Variants in KIRREL3 observed in about 807,000 individuals in gnomAD.
KIRREL3 encodes the protein kirre like nephrin family adhesion molecule 3, also known as kin of IRRE-like protein 3.
A neutral mutation model predicts 89.7 loss-of-function variants in KIRREL3; 36 were observed. The observed-to-expected ratio is 0.40, with a 90% CI of 0.31 to 0.53. KIRREL3 has a LOEUF of 0.53. Among genes scored for constraint, KIRREL3 ranks in the 20% least tolerant of loss-of-function variants. KIRREL3 has a pLI of 0.49. For synonymous variants in KIRREL3, 445 were observed against 441.4 expected, an observed-to-expected ratio of 1.01 and a Z score of -0.10; for missense variants, 864 against 1,056.6, an observed-to-expected ratio of 0.82 and a Z score of 2.53.
At chr11:126,472,460 G>T (rs1294064130) in intron 5 of KIRREL3, among the ~76,000 whole-genome samples, 1 of 152,100 alleles carries the variant, frequency 6.6e-6, no homozygotes, top group Non-Finnish European at 1.5e-5. Flanking sequence ...TTTTGTAAGG[G>T]CACTGATCCC....
At chr11:126,435,385 G>A (rs535056808) in intron 12 of KIRREL3, 82 bp from the exon 13 acceptor site, 7 of 1,384,352 alleles carry the variant, frequency 5.1e-6, no homozygotes, top group Non-Finnish European at 7.2e-6. Context: ...CTGCTTGAGC[G>A]GGGCTGGGTG....
At chr11:126,746,583 C>T (rs974560420) in intron 1 of KIRREL3, among the ~76,000 whole-genome samples, 7 of 152,134 alleles carry the variant, frequency 4.6e-5, no homozygotes, top group Non-Finnish European at 1.0e-4. Flanking sequence ...ATTGACATTG[C>T]CAGCCACCCA....
chr11:126,569,735 AG>A lies in KIRREL3; in HGVS notation c.56-6824del, dbSNP rs1940783892. On this transcript the variant is annotated intron_variant, in intron 1 of 16. Transcript: ENST00000525144. This position sits in a 1 kb window ranked among gnomAD's most constrained non-coding sequence, Gnocchi z 6.5. ...GACAGCTTCAGGCTGTGGGATGGTG[AG>A]GGAGGTCCTTGCAAAAGGCCTTGAA... Among the ~76,000 whole-genome samples the A allele has an allele frequency of 6.6e-6, 1 of 152,202 alleles. No homozygotes were observed. Among genetic ancestry groups the A allele is most frequent in the Non-Finnish European group, 1.5e-5 (1 of 68,032 alleles).
chr11:126,591,570 C>A (rs1459726568), intron 1 of KIRREL3, among the ~76,000 whole-genome samples: 1 of 152,224 alleles, frequency 6.6e-6, no homozygotes, highest in Non-Finnish European at 1.5e-5. Context: ...ACCAGCCATG[C>A]TCTGCCTTGC....
chr11:126,486,854 A>G lies in KIRREL3; in HGVS notation c.434-13388T>C, dbSNP rs147169127. Among the ~76,000 whole-genome samples, 13 of 152,332 alleles carry G rather than the reference A, an allele frequency of 8.5e-5. No individual in the cohort carries two copies. The East Asian group carries it at 2.5e-3, about 29-fold the overall frequency. ...TAGCTTTAATAGCATCAAGGCAGCCATCCTGACCCAGCAAAGGGCCAGGCA... is the reference window on the plus strand; with the variant it reads ...TAGCTTTAATAGCATCAAGGCAGCCGTCCTGACCCAGCAAAGGGCCAGGCA... On this transcript the variant is annotated intron_variant, in intron 4 of 16. Coordinates refer to ENST00000525144, the MANE Select transcript of KIRREL3 (RefSeq NM_032531.4). The surrounding 1 kb of genome is among the most constrained non-coding windows in gnomAD (Gnocchi z 6.2).
At chr11:126,487,036 T>C (rs552663953) in intron 4 of KIRREL3, among the ~76,000 whole-genome samples, 6 of 152,168 alleles carry the variant, frequency 3.9e-5, no homozygotes, top group Non-Finnish European at 8.8e-5. Flanking sequence ...TGCCTACCGA[T>C]ACCCTGGAGC....
At chr11:126,749,462 C>T (rs970594415) in intron 1 of KIRREL3, among the ~76,000 whole-genome samples, 11 of 152,130 alleles carry the variant, frequency 7.2e-5, no homozygotes, top group African/African-American at 2.4e-4. Flanking sequence ...CGCCGGTTTG[C>T]TCCTGGGGAC....
In KIRREL3 at chr11:126,705,075, T is replaced by C. The variant is rs770936458; in HGVS notation, c.56-142163A>G. On this transcript the variant is annotated intron_variant, in intron 1 of 16. Coordinates refer to ENST00000525144, the MANE Select transcript of KIRREL3 (RefSeq NM_032531.4). This position sits in a 1 kb window ranked among gnomAD's most constrained non-coding sequence, Gnocchi z 4.3. ...AGCTTTTTATGGCTCAAGACATAGG[T>C]TTGGTTTTCTTAAAAAAAGGTTTTC... Among the ~76,000 whole-genome samples, 11 of 152,094 alleles carry C rather than the reference T, an allele frequency of 7.2e-5. No homozygotes were observed. Among genetic ancestry groups the C allele is most frequent in the Non-Finnish European group, 1.5e-4 (10 of 68,020 alleles).
At chr11:126,926,365 A>C (rs1357122966) in intron 1 of KIRREL3, among the ~76,000 whole-genome samples, 1 of 152,208 alleles carries the variant, frequency 6.6e-6, no homozygotes, top group Non-Finnish European at 1.5e-5. Flanking sequence ...ACAGTACCCC[A>C]CATTGCCACT....
intron 1 of KIRREL3, among the ~76,000 whole-genome samples, chr11:126,589,858 G>C (rs1565575569): frequency 6.6e-6 from 1 of 152,154 alleles, no homozygotes; most frequent in African/African-American, 2.4e-5. Flanking sequence ...GCCTCCTGGG[G>C]CTGGGGCTGG....
At chr11:126,691,252 T>C (rs1466558245) in intron 1 of KIRREL3, among the ~76,000 whole-genome samples, 2 of 152,278 alleles carry the variant, frequency 1.3e-5, no homozygotes, top group East Asian at 1.9e-4. Flanking sequence ...ATCATTCAAA[T>C]GCTCCATCAT....
At chr11:126,478,744 AGTGT>A (rs368396850) in intron 4 of KIRREL3, among the ~76,000 whole-genome samples, 2 of 151,006 alleles carry the variant, frequency 1.3e-5, no homozygotes, top group East Asian at 3.9e-4. Flanking sequence ...TGTGTATGTA[AGTGT>A]GTGTGTGTAT....
At chr11:126,911,033 A>G (rs927554563) in intron 1 of KIRREL3, among the ~76,000 whole-genome samples, 2 of 152,172 alleles carry the variant, frequency 1.3e-5, no homozygotes, top group African/African-American at 4.8e-5. Context: ...TCTGCATTTT[A>G]TCCTCTGTGG....
rs138642664 is a variant in KIRREL3 at position 126,812,467 on chromosome 11, C to T, written c.55+187988G>A. On this transcript the variant is annotated intron_variant, in intron 1 of 16. Transcript: ENST00000525144. The surrounding 1 kb of genome is among the most constrained non-coding windows in gnomAD (Gnocchi z 5.2). ...TTGTCCACTGAACAGAATGGTGAAC[C>T]CTGAGCATCTTTCCCATGAAAGGCA... 6.6e-6 allele frequency among the ~76,000 whole-genome samples: 1 copy of T among 152,234 alleles called. No individual in the cohort carries two copies. Among genetic ancestry groups the T allele is most frequent in the East Asian group, 1.9e-4 (1 of 5,180 alleles).
rs546130 is a variant in KIRREL3 at position 126,579,048 on chromosome 11, C to T, written c.56-16136G>A. Among the ~76,000 whole-genome samples the T allele has an allele frequency of 0.5, 75,649 of 151,894 alleles. 19,350 individuals are homozygous for T. The highest frequency in any genetic ancestry group is 0.65 in the South Asian group (3,135 of 4,790). On this transcript the variant is annotated intron_variant, in intron 1 of 16. Coordinates refer to ENST00000525144, the MANE Select transcript of KIRREL3 (RefSeq NM_032531.4). The surrounding 1 kb of genome is among the most constrained non-coding windows in gnomAD (Gnocchi z 5.3). Reference sequence around the variant, plus strand: ...CCAGACCTCGATCAAACCCAAAGCCCGTGCTCTGTCCGTGTGCTGCCTCCG... The same window carrying T: ...CCAGACCTCGATCAAACCCAAAGCCTGTGCTCTGTCCGTGTGCTGCCTCCG...
In KIRREL3 at chr11:126,719,485, C is replaced by T. The variant is rs1182365027; in HGVS notation, c.56-156573G>A. Among the ~76,000 whole-genome samples the T allele has an allele frequency of 6.6e-6, 1 of 152,166 alleles. No individual in the cohort carries two copies. Among genetic ancestry groups the T allele is most frequent in the African/African-American group, 2.4e-5 (1 of 41,438 alleles). ...ACTGCCTAGGTGATCTTACTTAGTC[C>T]CATGGCTTTCATTCCACCCGCATGC... On this transcript the variant is annotated intron_variant, in intron 1 of 16. Transcript: ENST00000525144. This position sits in a 1 kb window ranked among gnomAD's most constrained non-coding sequence, Gnocchi z 4.7.
rs748239503 is a variant in KIRREL3 at position 126,471,678 on chromosome 11, T to C, written c.591+1631A>G. Among the ~76,000 whole-genome samples the C allele has an allele frequency of 2.1e-4, 32 of 151,954 alleles. No individual in the cohort carries two copies. Among genetic ancestry groups the C allele is most frequent in the Non-Finnish European group, 4.4e-4 (30 of 67,952 alleles). ...GGGGAGATTTAGGGTAGGGGTATAA[T>C]GTCCTGGACTATGGAGCCTGATGAA... On this transcript the variant is annotated intron_variant, in intron 5 of 16. Transcript: ENST00000525144. This position sits in a 1 kb window ranked among gnomAD's most constrained non-coding sequence, Gnocchi z 5.4.
rs1941199753 is a variant in KIRREL3, at chr11:126,575,302, C to T, written c.56-12390G>A. ...TAGGAAGGTTGGACCATTGATCCCA[C>T]AGCCCTGGGGCCTTCTCACAGTAGT... On this transcript the variant is annotated intron_variant, in intron 1 of 16. Coordinates refer to ENST00000525144, the MANE Select transcript of KIRREL3 (RefSeq NM_032531.4). The surrounding 1 kb of genome is among the most constrained non-coding windows in gnomAD (Gnocchi z 7.0). Among the ~76,000 whole-genome samples, 1 of 152,202 alleles carries T rather than the reference C, an allele frequency of 6.6e-6. No individual in the cohort carries two copies.
At chr11:126,670,964 C>T (rs554466627) in intron 1 of KIRREL3, among the ~76,000 whole-genome samples, 83 of 152,168 alleles carry the variant, frequency 5.5e-4, no homozygotes, top group Non-Finnish European at 7.6e-4. Context: ...CAGTATAATA[C>T]TGGTGAAGGA....
Sources: allele counts gnomAD v4.1 joint callset (sites outside exome capture counted in the v4.1 genomes callset), GRCh38; gene constraint gnomAD v4.1.1; non-coding constraint Gnocchi (gnomAD v3.1); transcripts MANE v1.5; gene names NCBI Gene and HGNC (gene_info 2026-07-23, HGNC 2026-07-21).